The following PHETA1 variants were observed in gnomAD, a reference collection of about 807,000 sequenced individuals.
The protein encoded by PHETA1 is sesquipedalian-1.
For synonymous variants in PHETA1, 155 were observed against 168.9 expected, an observed-to-expected ratio of 0.92 and a Z score of 0.64; for missense variants, 348 against 373.5, an observed-to-expected ratio of 0.93 and a Z score of 0.56.
rs913165464 is a variant in PHETA1 at position 111,368,761 on chromosome 12, C to T, written c.-182+151G>A. 6.6e-6 allele frequency among the ~76,000 whole-genome samples: 1 copy of T among 152,240 alleles called. No individual in the cohort carries two copies. Among genetic ancestry groups the T allele is most frequent in the Non-Finnish European group, 1.5e-5 (1 of 68,040 alleles). ...GGGTGGTCATTGGCCAAGTTCGCCT[C>T]GGCAGCTGGAGAAGTCACCACTGGT... is the stretch of plus-strand genomic sequence containing the variant. On this transcript the variant is annotated intron_variant, in intron 1 of 2. Transcript: ENST00000683047. This position sits in a 1 kb window ranked among gnomAD's most constrained non-coding sequence, Gnocchi z 5.0.
In PHETA1 at chr12:111,361,679, G is replaced by A. The variant is rs1868609846; in HGVS notation, c.*999C>T. On this transcript the variant is annotated 3_prime_UTR_variant, in exon 3 of 3. Transcript: ENST00000683047. Reference sequence around the variant, plus strand: ...GGGGACATGTTAGAGGGGGCTGCCTGGAGCTGAAGAGGGGCTCTGGAAGCC... The same window carrying A: ...GGGGACATGTTAGAGGGGGCTGCCTAGAGCTGAAGAGGGGCTCTGGAAGCC... 5.7e-6 allele frequency: 2 copies of A among 352,102 alleles called. No homozygotes were observed. Among genetic ancestry groups the A allele is most frequent in the East Asian group, 7.5e-5 (1 of 13,310 alleles). The allele number at this position is 352,102 out of a possible 1,614,324, so 21.8% of individuals were successfully genotyped here. A position where few individuals can be genotyped will look rare whatever the true frequency, so the allele number is the denominator to read the frequency against.
chr12:111,366,910 G>GA lies in PHETA1; in HGVS notation c.-181-654dup, dbSNP rs1289114444. 3.6e-4 allele frequency among the ~76,000 whole-genome samples: 52 copies of GA among 143,876 alleles called. 1 individual carries two copies. The highest frequency in any genetic ancestry group is 2.5e-3 in the East Asian group (12 of 4,894). 94.4% of individuals were successfully genotyped at this position (143,876 alleles called of 152,430 possible). A position where few individuals can be genotyped will look rare whatever the true frequency, so the allele number is the denominator to read the frequency against. ...CAAGACCCTATCTCTATAAAAAATAGAAAAAAAAATAGCTGGGCATGGTGA... is the reference window on the plus strand; with the variant it reads ...CAAGACCCTATCTCTATAAAAAATAGAAAAAAAAAATAGCTGGGCATGGTGA... On this transcript the variant is annotated intron_variant, in intron 1 of 2. Transcript: ENST00000683047.
Position 111,361,633 on chromosome 12 carries a change from G to T in PHETA1, c.*1045C>A, listed in dbSNP as rs1477236757. The T allele has an allele frequency of 6.4e-6, 2 of 313,816 alleles. No homozygotes were observed. The highest frequency in any genetic ancestry group is 1.3e-5 in the Non-Finnish European group (2 of 156,780). 19.4% of individuals were successfully genotyped at this position (313,816 alleles called of 1,614,324 possible). A position where few individuals can be genotyped will look rare whatever the true frequency, so the allele number is the denominator to read the frequency against. On this transcript the variant is annotated 3_prime_UTR_variant, in exon 3 of 3. Coordinates refer to ENST00000683047, the MANE Select transcript of PHETA1 (RefSeq NM_144671.6). Reference sequence around the variant, plus strand: ...GACCTGGTCCCCACCAGGAGTATGGGGGTGGGGGCTGAGCTCAGGAGGGGA... The same window carrying T: ...GACCTGGTCCCCACCAGGAGTATGGTGGTGGGGGCTGAGCTCAGGAGGGGA...
chr12:111,364,952 A>G (rs1007271713), intron 2 of PHETA1, among the ~76,000 whole-genome samples: 2 of 152,134 alleles, frequency 1.3e-5, no homozygotes, highest in African/African-American at 2.4e-5. Flanking sequence ...ATTTGGGGAA[A>G]GATGCAGGCC....
rs1383882547 is a variant in PHETA1, at chr12:111,368,293, T to TG, written c.-182+618_-182+619insC. On this transcript the variant is annotated intron_variant, in intron 1 of 2. Transcript: ENST00000683047. This position sits in a 1 kb window ranked among gnomAD's most constrained non-coding sequence, Gnocchi z 5.0. ...CACAGCTGGCCCCGGAACCCAGGTCTCCTGGGAGACTGAAGCATGGCATTT... is the reference window on the plus strand; with the variant it reads ...CACAGCTGGCCCCGGAACCCAGGTCTGCCTGGGAGACTGAAGCATGGCATTT... Among the ~76,000 whole-genome samples, 1 of 152,124 alleles carries TG rather than the reference T, an allele frequency of 6.6e-6. No individual in the cohort carries two copies. Among genetic ancestry groups the TG allele is most frequent in the African/African-American group, 2.4e-5 (1 of 41,428 alleles).
rs1325900684 is a variant in PHETA1 at position 111,367,734 on chromosome 12, G to A, written c.-182+1178C>T. Reference sequence around the variant, plus strand: ...CATGACCCCTGCCTCCACCAGAACTGGGAAGACAGGAAGCTGCAGGGGCAC... The same window carrying A: ...CATGACCCCTGCCTCCACCAGAACTAGGAAGACAGGAAGCTGCAGGGGCAC... On this transcript the variant is annotated intron_variant, in intron 1 of 2. Transcript: ENST00000683047. This position sits in a 1 kb window ranked among gnomAD's most constrained non-coding sequence, Gnocchi z 4.0. Among the ~76,000 whole-genome samples the A allele has an allele frequency of 6.6e-6, 1 of 152,228 alleles. No individual in the cohort carries two copies. The highest frequency in any genetic ancestry group is 6.5e-5 in the Admixed American group (1 of 15,290).
Position 111,362,380 on chromosome 12 carries a change from A to C in PHETA1, c.*298T>G. On this transcript the variant is annotated 3_prime_UTR_variant, in exon 3 of 3. Coordinates refer to ENST00000683047, the MANE Select transcript of PHETA1 (RefSeq NM_144671.6). ...AGCACAGGCCTCTGCCCGGCAGCTC[A>C]GGCCAGCCTGGGGCCGGAGTTCTCA... The C allele has an allele frequency of 1.5e-6, 1 of 680,710 alleles. No individual in the cohort carries two copies. The highest frequency in any genetic ancestry group is 2.4e-6 in the Non-Finnish European group (1 of 421,526). 42.2% of individuals were successfully genotyped at this position (680,710 alleles called of 1,614,324 possible).
At chr12:111,366,988 A>C (rs1268840318) in intron 1 of PHETA1, among the ~76,000 whole-genome samples, 1 of 150,988 alleles carries the variant, frequency 6.6e-6, no homozygotes, top group African/African-American at 2.4e-5. Context: ...GGACCCCTTG[A>C]ACTTGGGGGG....
Position 111,363,002 on chromosome 12 carries a change from C to T in PHETA1, c.426G>A (p.Gln142=). 6.7e-7 allele frequency: 1 copy of T among 1,493,474 alleles called. No individual in the cohort carries two copies. The highest frequency in any genetic ancestry group is 8.9e-7 in the Non-Finnish European group (1 of 1,127,048). 92.5% of individuals were successfully genotyped at this position (1,493,474 alleles called of 1,614,324 possible). Residue 142 remains glutamine (Q), a synonymous_variant, in exon 3 of 3, where the codon CAG becomes CAA. Transcript: ENST00000683047. This position sits in a 1 kb window ranked among gnomAD's most constrained non-coding sequence, Gnocchi z 7.4. ...ACGGGGGCAAGGGCAGGGACTGGGG[C>T]TGGGGCTGGGGCAGGGCCATGCCAC... ...GGGGMALPQP[Q]PQSLPLPPSL...
In PHETA1 at chr12:111,362,241, C is replaced by T; in HGVS notation, c.*437G>A. 5.4e-6 allele frequency: 2 copies of T among 370,324 alleles called. No homozygotes were observed. Among genetic ancestry groups the T allele is most frequent in the South Asian group, 2.1e-5 (1 of 48,372 alleles). The allele number at this position is 370,324 out of a possible 1,614,324, so 22.9% of individuals were successfully genotyped here. On this transcript the variant is annotated 3_prime_UTR_variant, in exon 3 of 3. Coordinates refer to ENST00000683047, the MANE Select transcript of PHETA1 (RefSeq NM_144671.6). ...CTGCCATGACCGATCCTCCCTCTGT[C>T]CACCCTGAAGGCCTGGTCAGGAGCT...
At position 111,363,623 on chromosome 12, in the gene PHETA1, G is replaced by C. The variant is rs1593005229; in HGVS notation, c.-36-160C>G. On this transcript the variant is annotated intron_variant, in intron 2 of 2. Coordinates refer to ENST00000683047, the MANE Select transcript of PHETA1 (RefSeq NM_144671.6). This position sits in a 1 kb window ranked among gnomAD's most constrained non-coding sequence, Gnocchi z 7.4. ...TGGCCTATGCGCCCACAACTCCTAA[G>C]AAGCAGAGACAGGACTGGAACCTGG... is the stretch of plus-strand genomic sequence containing the variant. 2 of 1,534,738 alleles carry C rather than the reference G, an allele frequency of 1.3e-6. No homozygotes were observed. Among genetic ancestry groups the C allele is most frequent in the East Asian group, 4.9e-5 (2 of 40,904 alleles).
At chr12:111,365,125 G>A (rs867280819) in intron 2 of PHETA1, among the ~76,000 whole-genome samples, 4 of 152,324 alleles carry the variant, frequency 2.6e-5, no homozygotes, top group Middle Eastern at 6.8e-3. Flanking sequence ...GTCGGGAGGT[G>A]GCATCTGCGT....
intron 2 of PHETA1, 120 bp downstream of exon 2, chr12:111,365,993 C>A (rs1869002407): frequency 5.8e-6 from 1 of 173,536 alleles, no homozygotes; most frequent in African/African-American, 2.4e-5. Context: ...CTACAGCTGT[C>A]CCTCTCTAAG....
chr12:111,365,729 A>G (rs1369015311), intron 2 of PHETA1: 8 of 204,980 alleles, frequency 3.9e-5, no homozygotes, highest in Admixed American at 7.7e-5. Context: ...ACATGGACAC[A>G]GGGAGGGGCA....
rs1247455765 is a variant in PHETA1, at chr12:111,362,565, G to A, written c.*113C>T. On this transcript the variant is annotated 3_prime_UTR_variant, in exon 3 of 3. Coordinates refer to ENST00000683047, the MANE Select transcript of PHETA1 (RefSeq NM_144671.6). ...AAACCAGGCCACTCAGGGCCTGGGG[G>A]CCAGCCTTGCCCATGATTTCCCTCA... 6 of 1,537,440 alleles carry A rather than the reference G, an allele frequency of 3.9e-6. No homozygotes were observed. The highest frequency in any genetic ancestry group is 2.4e-5 in the East Asian group (1 of 40,894).
rs777337493 is a variant in PHETA1, at chr12:111,363,480, G to A, written c.-36-17C>T. The A allele has an allele frequency of 6.3e-7, 1 of 1,583,294 alleles. No homozygotes were observed. Among genetic ancestry groups the A allele is most frequent in the Admixed American group, 1.7e-5 (1 of 57,270 alleles). On this transcript the variant is annotated splice_polypyrimidine_tract_variant and intron_variant, in intron 2 of 2. Transcript: ENST00000683047. The surrounding 1 kb of genome is among the most constrained non-coding windows in gnomAD (Gnocchi z 7.4). The stretch of plus-strand genomic sequence containing the variant: ...GCCTGGGGCCTGGACCCCATAGAAG[G>A]GCTGTTATGCACAAGGCCACTGACG...
chr12:111,361,198 C>G lies in PHETA1; in HGVS notation c.*1480G>C, dbSNP rs1234207026. ...CACAGACCGTATCCCCTCCCACCAG[C>G]AAACAGGAAACTAAAGCAGTGAAAA... is the stretch of plus-strand genomic sequence containing the variant. On this transcript the variant is annotated 3_prime_UTR_variant, in exon 3 of 3. Transcript: ENST00000683047. 1 of 147,868 alleles carries G rather than the reference C, an allele frequency of 6.8e-6. No individual in the cohort carries two copies. Among genetic ancestry groups the G allele is most frequent in the Non-Finnish European group, 1.5e-5 (1 of 65,640 alleles). 9.2% of individuals were successfully genotyped at this position (147,868 alleles called of 1,614,324 possible). A position where few individuals can be genotyped will look rare whatever the true frequency, so the allele number is the denominator to read the frequency against.
chr12:111,364,913 C>T (rs530692353), intron 2 of PHETA1, among the ~76,000 whole-genome samples: 2 of 152,124 alleles, frequency 1.3e-5, no homozygotes. Context: ...GGGGACAGAG[C>T]CAGACTCCGT....
rs144610919 is a variant in PHETA1, at chr12:111,362,428, G to A, written c.*250C>T. 422 of 1,025,134 alleles carry A rather than the reference G, an allele frequency of 4.1e-4. 4 individuals are homozygous for A. The East Asian group carries it at 8.4e-3, about 20-fold the overall frequency. 63.5% of individuals were successfully genotyped at this position (1,025,134 alleles called of 1,614,324 possible). A position where few individuals can be genotyped will look rare whatever the true frequency, so the allele number is the denominator to read the frequency against. The stretch of plus-strand genomic sequence containing the variant: ...TCAGGAAACCTCCCCCTCAGGCCCT[G>A]GATTCTCCTTAGTGTTGCACGTGAC... On this transcript the variant is annotated 3_prime_UTR_variant, in exon 3 of 3. Coordinates refer to ENST00000683047, the MANE Select transcript of PHETA1 (RefSeq NM_144671.6).
Sources: allele counts gnomAD v4.1 joint callset (sites outside exome capture counted in the v4.1 genomes callset), GRCh38; gene constraint gnomAD v4.1.1; non-coding constraint Gnocchi (gnomAD v3.1); transcripts MANE v1.5; gene names NCBI Gene and HGNC (gene_info 2026-07-23, HGNC 2026-07-21).